The following LARP1 variants were observed in gnomAD, a reference collection of about 807,000 sequenced individuals.
LARP1 encodes the protein La ribonucleoprotein 1, translational regulator, also known as la-related protein 1.
In LARP1, 36 loss-of-function variants were observed where a neutral mutation model predicts 122.7. The observed-to-expected ratio is 0.29, with a 90% CI of 0.22 to 0.39. LARP1 has a LOEUF of 0.39. Ranked by LOEUF, LARP1 falls within the 10% of genes least tolerant of loss-of-function variation. The probability of loss-of-function intolerance (pLI) is 1.00; values close to 1 mark genes in which losing one functional copy is unlikely to be tolerated. For synonymous variants in LARP1, 539 were observed against 528.7 expected, an observed-to-expected ratio of 1.02 and a Z score of -0.27; for missense variants, 1,040 against 1,403.6, an observed-to-expected ratio of 0.74 and a Z score of 4.14.
intron 1 of LARP1, among the ~76,000 whole-genome samples, chr5:154,703,434 C>T (rs574036257): frequency 6.6e-6 from 1 of 152,098 alleles, no homozygotes; most frequent in Non-Finnish European, 1.5e-5. Flanking sequence ...TTGACTGTGG[C>T]CATTTTTGTA....
chr5:154,796,678 G>T (rs373657256), intron 8 of LARP1, among the ~76,000 whole-genome samples: 3 of 152,130 alleles, frequency 2.0e-5, no homozygotes, highest in African/African-American at 7.2e-5. Context: ...AGCAGTGTTC[G>T]TTAGGATTGC....
rs143321110 is a variant in LARP1 at position 154,811,501 on chromosome 5, C to T, written c.2954-12C>T. On this transcript the variant is annotated splice_polypyrimidine_tract_variant and intron_variant, in intron 17 of 18. Coordinates refer to ENST00000518297, the MANE Select transcript of LARP1 (RefSeq NM_033551.3). Reference sequence around the variant, plus strand: ...CCTCACCAGCTCAGCTTTTCTGTACCTCTCCCTACAGGCCAACTGTATGGG... The same window carrying T: ...CCTCACCAGCTCAGCTTTTCTGTACTTCTCCCTACAGGCCAACTGTATGGG... 466 of 1,614,204 alleles carry T rather than the reference C, an allele frequency of 2.9e-4. 3 individuals are homozygous for T. In the East Asian group the frequency reaches 0.01, roughly 36 times the overall value.
intron 1 of LARP1, among the ~76,000 whole-genome samples, chr5:154,734,769 G>C (rs1252464454): frequency 1.3e-5 from 2 of 152,096 alleles, no homozygotes; most frequent in South Asian, 4.1e-4. Flanking sequence ...CAGATTTCCA[G>C]AACTTTTTTA....
intron 1 of LARP1, among the ~76,000 whole-genome samples, chr5:154,699,195 A>G (rs1374286345): frequency 6.6e-6 from 1 of 152,208 alleles, no homozygotes; most frequent in African/African-American, 2.4e-5. Context: ...AAAGCTCCAG[A>G]ATAAAGTAAC....
At chr5:154,709,122 C>G (rs1755093267), upstream of LARP1, among the ~76,000 whole-genome samples, 1 of 152,150 alleles carries the variant, frequency 6.6e-6, no homozygotes, top group Non-Finnish European at 1.5e-5. Context: ...CACGTGTCAC[C>G]TTTTGAACTG....
At chr5:154,770,984 C>A (rs1188068096) in intron 1 of LARP1, among the ~76,000 whole-genome samples, 1 of 151,958 alleles carries the variant, frequency 6.6e-6, no homozygotes, top group Non-Finnish European at 1.5e-5. Context: ...TGGCAGCAGG[C>A]GCCCGTAATC....
intron 1 of LARP1, among the ~76,000 whole-genome samples, chr5:154,781,446 AGCTG>A (rs1253882499): frequency 6.6e-6 from 1 of 152,118 alleles, no homozygotes. Context: ...CAAAAAAATT[AGCTG>A]GGCATGGTGA....
At chr5:154,792,978 T>A (rs1397065863) in intron 4 of LARP1, among the ~76,000 whole-genome samples, 182 bp downstream of exon 4, 13 of 152,176 alleles carry the variant, frequency 8.5e-5, no homozygotes, top group Admixed American at 8.5e-4. Flanking sequence ...GTCCCTCCTT[T>A]CAAAAAACCT....
intron 1 of LARP1, among the ~76,000 whole-genome samples, chr5:154,706,113 C>T (rs530639335): frequency 7.9e-5 from 12 of 151,840 alleles, no homozygotes; most frequent in African/African-American, 2.7e-4. Flanking sequence ...CTGGCCAACA[C>T]GGCGAAACCC....
chr5:154,736,536 T>TTTTATTTATTTATTTATTTA (rs56109800), intron 1 of LARP1, among the ~76,000 whole-genome samples: 14 of 133,162 alleles, frequency 1.1e-4, no homozygotes, highest in East Asian at 4.2e-4. Context: ...CCTGGCCTAT[T>TTTTATTTATTTATTTATTTA]TTTATTTATT....
At position 154,799,774 on chromosome 5, in the gene LARP1, G is replaced by A. The variant is rs765823031; in HGVS notation, c.1546+15G>A. ...AAAGGAGACAGGTAGGTACCTGCTG[G>A]CATGAAGATTGCCCTTGTCCTCTGG... is the stretch of plus-strand genomic sequence containing the variant. On this transcript the variant is annotated intron_variant, in intron 9 of 18. Coordinates refer to ENST00000518297, the MANE Select transcript of LARP1 (RefSeq NM_033551.3). 2 of 1,614,040 alleles carry A rather than the reference G, an allele frequency of 1.2e-6. No homozygotes were observed. The highest frequency in any genetic ancestry group is 2.2e-5 in the South Asian group (2 of 91,078).
intron 3 of LARP1, among the ~76,000 whole-genome samples, chr5:154,791,647 G>A (rs1757363715): frequency 6.6e-6 from 1 of 152,218 alleles, no homozygotes; most frequent in Non-Finnish European, 1.5e-5. Flanking sequence ...TGGCGGGGCT[G>A]GTGGCAGGTG....
At chr5:154,688,080 A>C (rs1754019843) in intron 1 of LARP1, among the ~76,000 whole-genome samples, 1 of 152,100 alleles carries the variant, frequency 6.6e-6, no homozygotes, top group Non-Finnish European at 1.5e-5. Context: ...TGCCACAGTG[A>C]AATGGGTTGG....
rs1753857963 is a variant in LARP1 at position 154,756,058 on chromosome 5, G to C, written c.301G>C (p.Ala101Pro). The change falls in exon 1 of 19, where the codon GCT (alanine) becomes CCT (proline). Residue 101 changes from alanine to proline, a missense_variant. Physicochemically the swap from Ala to Pro is conservative, Grantham distance 27. This residue lies in a region of LARP1 where 257 missense variants were observed against 273.3 expected (regional missense o/e 0.94). Transcript: ENST00000518297. ...DGEEGGGEPG[A>P]GGGAAGAAGA... ...GGAGGAGGGCGGCGGCGAGCCAGGC[G>C]CTGGCGGAGGAGCTGCCGGAGCCGC... is the stretch of plus-strand genomic sequence containing the variant. The C allele has an allele frequency of 9.1e-7, 1 of 1,100,858 alleles. No homozygotes were observed. Among genetic ancestry groups the C allele is most frequent in the Admixed American group, 5.3e-5 (1 of 18,730 alleles). The allele number at this position is 1,100,858 out of a possible 1,614,324, so 68.2% of individuals were successfully genotyped here.
chr5:154,702,004 C>G (rs529383006), intron 1 of LARP1, among the ~76,000 whole-genome samples: 3 of 152,174 alleles, frequency 2.0e-5, no homozygotes, highest in East Asian at 3.9e-4. Context: ...GACAGGAGCT[C>G]CCACAGACAC....
chr5:154,766,351 T>A (rs1198397312), intron 1 of LARP1, among the ~76,000 whole-genome samples: 1 of 152,250 alleles, frequency 6.6e-6, no homozygotes, highest in African/African-American at 2.4e-5. Context: ...GGTTTCCCAT[T>A]TGATCCTTTA....
intron 1 of LARP1, among the ~76,000 whole-genome samples, chr5:154,775,078 G>A (rs1004392924): frequency 1.1e-4 from 16 of 152,096 alleles, no homozygotes; most frequent in Admixed American, 7.2e-4. Flanking sequence ...GGAAGCCAGG[G>A]CAAGAGGATC....
chr5:154,718,379 T>G (rs570228834), intron 1 of LARP1: 38 of 152,398 alleles, frequency 2.5e-4, no homozygotes, highest in Admixed American at 1.8e-3. Flanking sequence ...TTCATTGATT[T>G]GTTTGAGATG....
rs902418074 is a variant in LARP1 at position 154,816,996 on chromosome 5, T to C, written c.*2900T>C. On this transcript the variant is annotated 3_prime_UTR_variant, in exon 19 of 19. Coordinates refer to ENST00000518297, the MANE Select transcript of LARP1 (RefSeq NM_033551.3). ...CCTGTGTCAAAGTTGTTAAATGTTT[T>C]TGTTTTGTTCCATTGTAGCTCTTTT... 2.6e-5 allele frequency: 4 copies of C among 152,042 alleles called. No individual in the cohort carries two copies. The highest frequency in any genetic ancestry group is 7.3e-5 in the African/African-American group (3 of 41,366). The allele number at this position is 152,042 out of a possible 1,614,324, so 9.4% of individuals were successfully genotyped here.
Sources: gnomAD v4.1 joint callset for allele counts (sites outside exome capture counted in the v4.1 genomes callset) on GRCh38, gnomAD v4.1.1 for gene constraint, gnomAD v4.1.1 regional missense constraint, MANE v1.5 for transcripts, NCBI Gene and HGNC (gene_info 2026-07-23, HGNC 2026-07-21) for gene names.